Variants in MSH3 observed in about 807,000 individuals in gnomAD.
MSH3 encodes the protein mutS homolog 3.
In MSH3, 106 loss-of-function variants were observed where a neutral mutation model predicts 123.3. The ratio of observed to expected loss-of-function variants is 0.86; its 90% confidence interval spans 0.73 to 1.01. MSH3 has a LOEUF of 1.01. Ranked by LOEUF, MSH3 falls within the 50% of genes least tolerant of loss-of-function variation. The pLI, the probability that MSH3 is intolerant of heterozygous loss-of-function variation, is 0.00. For missense variants in MSH3, 1,459 were observed against 1,347.6 expected, an observed-to-expected ratio of 1.08 and a Z score of -1.29; for synonymous variants, 515 against 481.4, an observed-to-expected ratio of 1.07 and a Z score of -0.91.
chr5:80,687,494 G>A (rs6151671), intron 8 of MSH3, among the ~76,000 whole-genome samples: 2,340 of 152,274 alleles, frequency 0.015, 45 homozygotes, highest in African/African-American at 0.044. Context: ...CTGAGCACTG[G>A]CATAGCCAAG....
At chr5:80,684,258 G>A (rs1207209865) in intron 8 of MSH3, among the ~76,000 whole-genome samples, 9 of 152,240 alleles carry the variant, frequency 5.9e-5, no homozygotes, top group African/African-American at 2.2e-4. Context: ...CGTTGAATCT[G>A]TAGATTGCTT....
intron 19 of MSH3, among the ~76,000 whole-genome samples, chr5:80,803,970 A>T (rs73127211): frequency 0.11 from 16,384 of 152,124 alleles, 912 homozygotes; most frequent in South Asian, 0.14. Flanking sequence ...CTGTAGTATA[A>T]CTTGAAGTCA....
At chr5:80,733,529 G>A (rs1315182927) in intron 10 of MSH3, among the ~76,000 whole-genome samples, 2 of 151,892 alleles carry the variant, frequency 1.3e-5, no homozygotes, top group Non-Finnish European at 2.9e-5. Context: ...TCAAGAAAGT[G>A]AAAAGACAAT....
chr5:80,749,562 C>T (rs1005287036), intron 12 of MSH3, among the ~76,000 whole-genome samples: 1 of 152,180 alleles, frequency 6.6e-6, no homozygotes, highest in Admixed American at 6.5e-5. Flanking sequence ...AGGAACAATA[C>T]TTTGCATCCT....
At chr5:80,808,147 G>T (rs1285411443) in intron 19 of MSH3, among the ~76,000 whole-genome samples, 1 of 151,864 alleles carries the variant, frequency 6.6e-6, no homozygotes, top group Non-Finnish European at 1.5e-5. Context: ...ATTATTTGTT[G>T]CTCTTACAGA....
At chr5:80,765,660 TA>T (rs1219737654) in intron 13 of MSH3, among the ~76,000 whole-genome samples, 1 of 152,250 alleles carries the variant, frequency 6.6e-6, no homozygotes, top group African/African-American at 2.4e-5. Flanking sequence ...AGCTGTCTTC[TA>T]GAGCCTTCTA....
chr5:80,789,320 T>C (rs1744567753), intron 18 of MSH3, among the ~76,000 whole-genome samples: 1 of 151,954 alleles, frequency 6.6e-6, no homozygotes, highest in Admixed American at 6.6e-5. Flanking sequence ...TAAGTGTCTC[T>C]CTCCAACAGA....
Position 80,668,801 on chromosome 5 carries a change from C to G in MSH3, c.580-1296C>G, listed in dbSNP as rs146317223. On this transcript the variant is annotated intron_variant, in intron 3 of 23. Coordinates refer to ENST00000265081, the MANE Select transcript of MSH3 (RefSeq NM_002439.5). ...GGGGCTCCTGCCTGCTCCCAGCCCC[C>G]AAGAGCACAGGGATGCCCAGGTTTG... Among the ~76,000 whole-genome samples, 583 of 152,252 alleles carry G rather than the reference C, an allele frequency of 3.8e-3. 4 individuals carry two copies. The highest frequency in any genetic ancestry group is 0.013 in the African/African-American group (546 of 41,554).
At chr5:80,833,582 A>G (rs2112081580) in intron 20 of MSH3, among the ~76,000 whole-genome samples, 1 of 152,266 alleles carries the variant, frequency 6.6e-6, no homozygotes, top group South Asian at 2.1e-4. Context: ...AGCTGGGACT[A>G]CAGGAGCGTG....
At chr5:80,742,786 T>C (rs1047758832) in intron 11 of MSH3, among the ~76,000 whole-genome samples, 2 of 152,158 alleles carry the variant, frequency 1.3e-5, no homozygotes, top group Non-Finnish European at 2.9e-5. Context: ...AGGAAATAAG[T>C]AGTAGGAATA....
In MSH3 at chr5:80,725,458, A is replaced by G. The variant is rs780395319; in HGVS notation, c.1346A>G (p.Gln449Arg). Reference protein sequence around the residue: ...LIHRATSVSVQDDRIRVERMD... With the variant: ...LIHRATSVSVRDDRIRVERMD... ...ATTTTCCTTTTTTCTTTCAGTGTGC[A>G]GGATGACAGAATTCGAGTCGAAAGG... is the stretch of plus-strand genomic sequence containing the variant. The change falls in exon 9 of 24, where the codon CAG (glutamine) becomes CGG (arginine). Residue 449 changes from glutamine (Q) to arginine (R), a missense_variant. Transcript: ENST00000265081. 15 of 1,612,256 alleles carry G rather than the reference A, an allele frequency of 9.3e-6. No individual in the cohort carries two copies. In the African/African-American group the frequency reaches 1.9e-4, roughly 20 times the overall value.
intron 8 of MSH3, among the ~76,000 whole-genome samples, chr5:80,695,808 A>G (rs554102230): frequency 2.0e-5 from 3 of 152,198 alleles, no homozygotes; most frequent in Non-Finnish European, 2.9e-5. Context: ...GTTGGCATCT[A>G]TCGATTGTCT....
intron 20 of MSH3, among the ~76,000 whole-genome samples, chr5:80,820,450 C>A (rs1580070307): frequency 6.6e-6 from 1 of 152,088 alleles, no homozygotes; most frequent in Non-Finnish European, 1.5e-5. Flanking sequence ...TTATATTATT[C>A]TTGGATCACA....
intron 20 of MSH3, among the ~76,000 whole-genome samples, chr5:80,833,273 G>T (rs1745450602): frequency 6.6e-6 from 1 of 151,860 alleles, no homozygotes; most frequent in African/African-American, 2.4e-5. Context: ...GAAACCTAAA[G>T]AATGGATTTT....
At chr5:80,790,199 ATAAG>A (rs1744584974) in intron 18 of MSH3, among the ~76,000 whole-genome samples, 1 of 152,190 alleles carries the variant, frequency 6.6e-6, no homozygotes, top group African/African-American at 2.4e-5. Context: ...ATCATCGTTT[ATAAG>A]TAAGAATTTG....
intron 19 of MSH3, among the ~76,000 whole-genome samples, chr5:80,802,494 G>A (rs185119684): frequency 5.9e-5 from 9 of 151,780 alleles, no homozygotes; most frequent in South Asian, 2.1e-4. Flanking sequence ...TACAGACACC[G>A]AATGTGTAAT....
intron 20 of MSH3, among the ~76,000 whole-genome samples, chr5:80,816,510 A>G (rs1036772642): frequency 7.9e-5 from 12 of 152,208 alleles, no homozygotes; most frequent in Non-Finnish European, 1.5e-4. Context: ...TTAGGAGTTT[A>G]TCCTAAGAGC....
At chr5:80,819,466 G>GTATATA (rs3073812) in intron 20 of MSH3, among the ~76,000 whole-genome samples, 1 of 145,736 alleles carries the variant, frequency 6.9e-6, no homozygotes, top group African/African-American at 2.6e-5. Flanking sequence ...GTGTGTGTGT[G>GTATATA]TATATATATA....
intron 7 of MSH3, among the ~76,000 whole-genome samples, chr5:80,676,270 A>AT (rs1243849498): frequency 1.3e-5 from 2 of 152,060 alleles, no homozygotes; most frequent in Non-Finnish European, 2.9e-5. Flanking sequence ...ACCTCAGGTG[A>AT]TCAGCCCACC....
Sources: gnomAD v4.1 joint callset for allele counts (sites outside exome capture counted in the v4.1 genomes callset) on GRCh38, gnomAD v4.1.1 for gene constraint, MANE v1.5 for transcripts, NCBI Gene and HGNC (gene_info 2026-07-23, HGNC 2026-07-21) for gene names.